RYR3: variants seen among roughly 807,000 people sequenced by gnomAD.
RYR3 encodes the protein brain ryanodine receptor-calcium release channel.
A neutral mutation model predicts 584.3 loss-of-function variants in RYR3; 207 were observed. That is an observed-to-expected ratio of 0.35 (90% CI 0.32 to 0.40). RYR3 has a LOEUF of 0.40. RYR3 is among the 10% of genes least tolerant of loss of function. The pLI, the probability that RYR3 is intolerant of heterozygous loss-of-function variation, is 1.00. For synonymous variants in RYR3, 2,416 were observed against 2,248.5 expected, an observed-to-expected ratio of 1.07 and a Z score of -2.11; for missense variants, 5,616 against 6,089.2, an observed-to-expected ratio of 0.92 and a Z score of 2.59.
intron 52 of RYR3, among the ~76,000 whole-genome samples, chr15:33,743,022 T>C (rs1341434670): frequency 1.3e-5 from 2 of 152,204 alleles, no homozygotes; most frequent in Non-Finnish European, 2.9e-5. Flanking sequence ...CCTTTAACAC[T>C]GGCAGGCAAA....
chr15:33,668,063 G>A (rs1461081540), intron 36 of RYR3, among the ~76,000 whole-genome samples: 250 of 97,564 alleles, frequency 2.6e-3, no homozygotes, highest in South Asian at 4.0e-3. Context: ...ACTCAGTCTT[G>A]AAAAAAAAAA....
chr15:33,529,107 C>T (rs749641840), intron 3 of RYR3, among the ~76,000 whole-genome samples: 15 of 152,178 alleles, frequency 9.9e-5, no homozygotes, highest in Non-Finnish European at 1.9e-4. Context: ...GCTGTTGACA[C>T]ATTTATAAAT....
At chr15:33,371,143 TGA>T (rs955273008) in intron 1 of RYR3, among the ~76,000 whole-genome samples, 31 of 152,316 alleles carry the variant, frequency 2.0e-4, no homozygotes, top group African/African-American at 7.2e-4. Flanking sequence ...AACAGCTCTT[TGA>T]GAGAGCATAT....
At chr15:33,445,220 A>C (rs1400043325) in intron 1 of RYR3, among the ~76,000 whole-genome samples, 1 of 152,156 alleles carries the variant, frequency 6.6e-6, no homozygotes, top group South Asian at 2.1e-4. Flanking sequence ...GAGACTTAGC[A>C]GTGAGGGTGA....
intron 1 of RYR3, among the ~76,000 whole-genome samples, chr15:33,402,360 G>A (rs2042736925): frequency 6.6e-6 from 1 of 152,194 alleles, no homozygotes; most frequent in Non-Finnish European, 1.5e-5. Context: ...TTAGTAAATG[G>A]CAATGGAATT....
intron 16 of RYR3, among the ~76,000 whole-genome samples, chr15:33,598,185 CAAA>C (rs59290382): frequency 0.024 from 2,338 of 99,362 alleles, 86 homozygotes; most frequent in African/African-American, 0.079. Flanking sequence ...ATTTTAATTA[CAAA>C]AAAAAAAAAA....
intron 1 of RYR3, among the ~76,000 whole-genome samples, chr15:33,383,218 A>G (rs1014571565): frequency 6.7e-6 from 1 of 150,154 alleles, no homozygotes; most frequent in African/African-American, 2.5e-5. Flanking sequence ...AGCATGTCAG[A>G]GCTCCAGGAT....
intron 27 of RYR3, among the ~76,000 whole-genome samples, chr15:33,638,477 TGAG>T (rs1284483330): frequency 6.6e-6 from 1 of 152,248 alleles, no homozygotes; most frequent in Non-Finnish European, 1.5e-5. Context: ...TGTTGAACTC[TGAG>T]GAGGAGATGA....
chr15:33,812,391 T>A (rs992845574), intron 72 of RYR3, among the ~76,000 whole-genome samples: 1 of 151,716 alleles, frequency 6.6e-6, no homozygotes, highest in African/African-American at 2.4e-5. Context: ...GTAAATAAAA[T>A]TAAAACATTT....
intron 70 of RYR3, among the ~76,000 whole-genome samples, chr15:33,809,795 C>T (rs1410833662): frequency 2.0e-5 from 3 of 152,138 alleles, no homozygotes; most frequent in African/African-American, 7.2e-5. Flanking sequence ...GCCACCGCAC[C>T]TGGCCTGGAT....
intron 1 of RYR3, among the ~76,000 whole-genome samples, chr15:33,471,440 A>G (rs2048919100): frequency 6.6e-6 from 1 of 152,072 alleles, no homozygotes; most frequent in Admixed American, 6.5e-5. Context: ...AAATTTCAGA[A>G]GACAATTAGG....
intron 43 of RYR3, among the ~76,000 whole-genome samples, chr15:33,710,003 A>G (rs888682278): frequency 1.3e-5 from 2 of 152,234 alleles, no homozygotes; most frequent in African/African-American, 4.8e-5. Context: ...CTCAGGTTAG[A>G]ATAATGAGTT....
rs149813355 is a variant in RYR3, at chr15:33,765,833, C to T, written c.8706-2825C>T. Among the ~76,000 whole-genome samples the T allele has an allele frequency of 3.9e-4, 60 of 152,100 alleles. No homozygotes were observed. The East Asian group carries it at 0.012, about 29-fold the overall frequency. The stretch of plus-strand genomic sequence containing the variant: ...TTTTTTATATATAAGAGTTATTGCC[C>T]ATTTGTGTAAAAATCTCTGTGAAAC... On this transcript the variant is annotated intron_variant, in intron 60 of 103. Coordinates refer to ENST00000634891, the MANE Select transcript of RYR3 (RefSeq NM_001036.6).
At chr15:33,419,397 TG>T (rs1231768547) in intron 1 of RYR3, among the ~76,000 whole-genome samples, 1 of 152,154 alleles carries the variant, frequency 6.6e-6, no homozygotes, top group Non-Finnish European at 1.5e-5. Context: ...GTGGAAAAGT[TG>T]GCTTTTGGAG....
At chr15:33,813,060 C>T (rs1432964124) in intron 73 of RYR3, 66 bp downstream of exon 73, 4 of 1,587,964 alleles carry the variant, frequency 2.5e-6, no homozygotes, top group Middle Eastern at 1.9e-4. Context: ...AGCTCCCCTC[C>T]ACACTCAGCA....
At chr15:33,637,999 G>C (rs1281026732) in intron 27 of RYR3, among the ~76,000 whole-genome samples, 1 of 151,654 alleles carries the variant, frequency 6.6e-6, no homozygotes, top group Non-Finnish European at 1.5e-5. Context: ...TCCCCTTCCT[G>C]TGTTCATGTG....
chr15:33,357,912 A>G (rs1974207024), intron 1 of RYR3, among the ~76,000 whole-genome samples: 1 of 152,168 alleles, frequency 6.6e-6, no homozygotes, highest in Non-Finnish European at 1.5e-5. Flanking sequence ...CAGATGGAAA[A>G]ACTTTACTAG....
chr15:33,567,373 C>G (rs1486829809), intron 12 of RYR3, among the ~76,000 whole-genome samples: 1 of 152,194 alleles, frequency 6.6e-6, no homozygotes, highest in Non-Finnish European at 1.5e-5. Flanking sequence ...GAAACTGATT[C>G]TGTTGTGAAC....
chr15:33,760,381 T>A (rs990797695), intron 60 of RYR3, among the ~76,000 whole-genome samples: 3 of 151,812 alleles, frequency 2.0e-5, no homozygotes, highest in Non-Finnish European at 4.4e-5. Flanking sequence ...AAGACACACA[T>A]AGGCTCAAAA....
Sources: gnomAD v4.1 joint callset for allele counts (sites outside exome capture counted in the v4.1 genomes callset) on GRCh38, gnomAD v4.1.1 for gene constraint, MANE v1.5 for transcripts, NCBI Gene and HGNC (gene_info 2026-07-23, HGNC 2026-07-21) for gene names.